Variants in LRRC9 observed in about 807,000 individuals in gnomAD.
LRRC9 encodes leucine-rich repeat-containing protein 9.
LRRC9 carries 122 observed loss-of-function variants against 63.2 expected under a neutral mutation model. That is an observed-to-expected ratio of 1.93 (90% CI 1.67 to 2.24). The LOEUF (loss-of-function observed/expected upper bound fraction) is 2.24, where lower values mean the gene tolerates loss of function less well. Among genes scored for constraint, LRRC9 ranks in the 30% most tolerant of loss-of-function variants. The pLI, the probability that LRRC9 is intolerant of heterozygous loss-of-function variation, is 0.00. For missense variants in LRRC9, 1,071 were observed against 627.7 expected (o/e 1.71, Z -7.55); for synonymous variants, 366 against 213.1 (o/e 1.72, Z -6.25).
intron 16 of LRRC9, among the ~76,000 whole-genome samples, chr14:59,984,134 G>A (rs2140112600): frequency 6.6e-6 from 1 of 152,340 alleles, no homozygotes; most frequent in Non-Finnish European, 1.5e-5. Flanking sequence ...ACATAGGGAA[G>A]ATGAAATCAG....
chr14:60,020,887 G>A (rs1891067365), intron 26 of LRRC9, among the ~76,000 whole-genome samples: 1 of 151,874 alleles, frequency 6.6e-6, no homozygotes, highest in Admixed American at 6.6e-5. Flanking sequence ...TTATTCATCA[G>A]TTGATGGAAA....
chr14:60,010,792 A>G (rs1890199563), intron 23 of LRRC9, among the ~76,000 whole-genome samples: 1 of 152,118 alleles, frequency 6.6e-6, no homozygotes, highest in Non-Finnish European at 1.5e-5. Context: ...AATGCCACCA[A>G]TCTCTTTGCA....
At chr14:60,044,842 A>C (rs1411217431) in intron 29 of LRRC9, among the ~76,000 whole-genome samples, 1 of 152,138 alleles carries the variant, frequency 6.6e-6, no homozygotes, top group Admixed American at 6.5e-5. Context: ...TTTCTTTATT[A>C]ACGTTCTGTC....
At chr14:60,019,344 ACATT>A in intron 26 of LRRC9, 84 bp downstream of exon 26, 1 of 510,584 alleles carries the variant, frequency 2.0e-6, no homozygotes, top group Non-Finnish European at 3.5e-6. Context: ...TAGCAGTAAC[ACATT>A]CCAGTACATA....
intron 23 of LRRC9, among the ~76,000 whole-genome samples, chr14:60,010,844 G>C (rs530545213): frequency 6.6e-6 from 1 of 152,132 alleles, no homozygotes; most frequent in East Asian, 1.9e-4. Flanking sequence ...CAAGTTCCTT[G>C]TCTCCATCTG....
In LRRC9 at chr14:60,059,870, T is replaced by C. The variant is rs1051535636; in HGVS notation, c.4276+1848T>C. Among the ~76,000 whole-genome samples, 7 of 152,332 alleles carry C rather than the reference T, an allele frequency of 4.6e-5. No individual in the cohort carries two copies. In the South Asian group the frequency reaches 8.3e-4, roughly 18 times the overall value. On this transcript the variant is annotated intron_variant, in intron 31 of 31. Coordinates refer to ENST00000445360, the Ensembl canonical transcript of LRRC9. ...TATCCAGAAGATCTAGCTAGGATCA[T>C]TGATGAAAGTCGCTACACTAAAAAA...
intron 15 of LRRC9, among the ~76,000 whole-genome samples, chr14:59,978,576 C>T (rs1886572758): frequency 6.6e-6 from 1 of 151,938 alleles, no homozygotes; most frequent in African/African-American, 2.4e-5. Flanking sequence ...ATTTTTTTGC[C>T]TTTAACAATA....
At chr14:59,928,073 A>T (rs1266107923) in intron 2 of LRRC9, 82 bp downstream of exon 2, 2 of 628,700 alleles carry the variant, frequency 3.2e-6, no homozygotes, top group Non-Finnish European at 5.6e-6. Context: ...CTAGAGCTGG[A>T]AGGGTTACTT....
intron 29 of LRRC9, among the ~76,000 whole-genome samples, chr14:60,040,408 C>G (rs553076960): frequency 1.3e-5 from 2 of 151,888 alleles, no homozygotes; most frequent in East Asian, 3.9e-4. Context: ...TCTCTTTGTA[C>G]ATCTCTAAGG....
At chr14:60,035,865 T>C (rs1892387103) in intron 29 of LRRC9, among the ~76,000 whole-genome samples, 1 of 152,176 alleles carries the variant, frequency 6.6e-6, no homozygotes, top group South Asian at 2.1e-4. Flanking sequence ...TGAAGAATGT[T>C]TTAGGTATAT....
chr14:59,931,412 G>A (rs1366820846), intron 4 of LRRC9, among the ~76,000 whole-genome samples: 1 of 151,592 alleles, frequency 6.6e-6, no homozygotes, highest in African/African-American at 2.4e-5. Flanking sequence ...TCTCTACTCC[G>A]CTTCCTGTTC....
intron 22 of LRRC9, among the ~76,000 whole-genome samples, chr14:60,006,940 A>T (rs1184907063): frequency 2.0e-5 from 3 of 152,124 alleles, no homozygotes; most frequent in Non-Finnish European, 4.4e-5. Context: ...CCAGTGGCTC[A>T]AACTTGGTCG....
At chr14:59,950,055 T>C (rs1882945344) in intron 8 of LRRC9, among the ~76,000 whole-genome samples, 1 of 12,366 alleles carries the variant, frequency 8.1e-5, no homozygotes, top group South Asian at 2.7e-3. Flanking sequence ...GTATCCTTGT[T>C]GACTTTCTGT....
At chr14:60,062,951 G>A (rs1410718472) in intron 31 of LRRC9, among the ~76,000 whole-genome samples, 1 of 151,802 alleles carries the variant, frequency 6.6e-6, no homozygotes, top group Non-Finnish European at 1.5e-5. Context: ...GAGTACAGTG[G>A]CACAATCTTG....
At chr14:60,056,305 TTC>T (rs1284554067) in intron 30 of LRRC9, among the ~76,000 whole-genome samples, 1 of 152,222 alleles carries the variant, frequency 6.6e-6, no homozygotes, top group African/African-American at 2.4e-5. Flanking sequence ...AATTCATAAA[TTC>T]TGTTTTAAGG....
chr14:59,956,109 T>C (rs1594867815), intron 8 of LRRC9, among the ~76,000 whole-genome samples: 1 of 152,154 alleles, frequency 6.6e-6, no homozygotes, highest in East Asian at 1.9e-4. Context: ...GAAGAATATA[T>C]ATTCTTGATT....
chr14:60,038,261 T>C (rs1892624898), intron 29 of LRRC9, among the ~76,000 whole-genome samples: 2 of 152,200 alleles, frequency 1.3e-5, no homozygotes, highest in South Asian at 4.1e-4. Context: ...TCTTTTTTGG[T>C]TCCATATGAA....
chr14:60,045,903 CT>C (rs369623982), intron 29 of LRRC9, among the ~76,000 whole-genome samples: 107 of 151,924 alleles, frequency 7.0e-4, no homozygotes, highest in African/African-American at 2.1e-3. Context: ...AGTGTAAAAG[CT>C]TTTTTTTCTC....
rs1379770719 is a variant in LRRC9 at position 59,974,561 on chromosome 14, GT to G, written c.1507-9del. ...AATTTTATAAAAATACTCAGACTTTGTTTTTTCTTTGCAGCTGCCTCTCAAA... is the reference window on the plus strand; with the variant it reads ...AATTTTATAAAAATACTCAGACTTTGTTTTTCTTTGCAGCTGCCTCTCAAA... On this transcript the variant is annotated splice_polypyrimidine_tract_variant and intron_variant, in intron 12 of 31. Coordinates refer to ENST00000445360, the Ensembl canonical transcript of LRRC9. 9.5e-6 allele frequency: 6 copies of G among 633,030 alleles called. No individual in the cohort carries two copies. The highest frequency in any genetic ancestry group is 1.7e-5 in the Non-Finnish European group (6 of 354,958). 39.2% of individuals were successfully genotyped at this position (633,030 alleles called of 1,614,324 possible).
Sources: gnomAD v4.1 joint callset for allele counts (sites outside exome capture counted in the v4.1 genomes callset) on GRCh38, gnomAD v4.1.1 for gene constraint, MANE v1.5 for transcripts, NCBI Gene and HGNC (gene_info 2026-07-23, HGNC 2026-07-21) for gene names.